IMPG2: variants seen among roughly 807,000 people sequenced by gnomAD.
The protein encoded by IMPG2 is interphotoreceptor matrix proteoglycan 2.
Under a neutral mutation model 129.2 loss-of-function variants are expected in IMPG2, and 91 were observed. That is an observed-to-expected ratio of 0.70 (90% CI 0.59 to 0.84). IMPG2 has a LOEUF of 0.84. Ranked by LOEUF, IMPG2 falls within the 40% of genes least tolerant of loss-of-function variation. The pLI is 0.00. For missense variants in IMPG2, 1,430 were observed against 1,461.7 expected (o/e 0.98, Z 0.35); for synonymous variants, 510 against 517.7 (o/e 0.99, Z 0.20).
In IMPG2 at chr3:101,232,919, C is replaced by T; in HGVS notation, c.3095G>A (p.Gly1032Glu). The stretch of plus-strand genomic sequence containing the variant: ...AGGGAAGCATCTGCACTTTGCTTCT[C>T]CACTCCAGGGGTTGACCAGACACTC... ...FSECLVNPWS[G>E]EAKCRCFPGY... The change falls in exon 15 of 19, where the codon GGA (glycine) becomes GAA (glutamate). Residue 1032 changes from glycine (G) to glutamate (E), a missense_variant. Coordinates refer to ENST00000193391, the MANE Select transcript of IMPG2 (RefSeq NM_016247.4). 6.2e-7 allele frequency: 1 copy of T among 1,613,992 alleles called. No homozygotes were observed.
intron 2 of IMPG2, among the ~76,000 whole-genome samples, chr3:101,315,372 A>C (rs1007365694): frequency 1.3e-4 from 20 of 152,132 alleles, no homozygotes; most frequent in African/African-American, 3.6e-4. Flanking sequence ...TTTTTTGTAG[A>C]ATGTAAATTC....
chr3:101,243,385 C>G, intron 13 of IMPG2, 144 bp downstream of exon 13: 1 of 758,032 alleles, frequency 1.3e-6, no homozygotes, highest in East Asian at 2.7e-5. Flanking sequence ...AACCCTAGGC[C>G]ATGATACTAT....
chr3:101,229,300 A>ACCCCCCCCCCCCCCCCCCCGCGC, intron 17 of IMPG2, 80 bp downstream of exon 17: 1 of 859,118 alleles, frequency 1.2e-6, no homozygotes, highest in Admixed American at 1.8e-5. Context: ...ACTCATACAC[A>ACCCCCCCCCCCCCCCCCCCGCGC]CCCCCACCCA....
intron 14 of IMPG2, among the ~76,000 whole-genome samples, chr3:101,234,891 T>C (rs965644395): frequency 1.3e-5 from 2 of 152,216 alleles, no homozygotes; most frequent in South Asian, 2.1e-4. Context: ...AAATATAAGA[T>C]TGAATATCCC....
In IMPG2 at chr3:101,234,582, T is replaced by C. The variant is rs141181179; in HGVS notation, c.3023-1591A>G. On this transcript the variant is annotated intron_variant, in intron 14 of 18. Coordinates refer to ENST00000193391, the MANE Select transcript of IMPG2 (RefSeq NM_016247.4). Reference sequence around the variant, plus strand: ...TACAAATGTGTTGACAGGTGGGAAATTTCTACAAGGGAACTGCATGGCCAG... The same window carrying C: ...TACAAATGTGTTGACAGGTGGGAAACTTCTACAAGGGAACTGCATGGCCAG... Among the ~76,000 whole-genome samples, 18 of 152,258 alleles carry C rather than the reference T, an allele frequency of 1.2e-4. 1 individual carries two copies. Among genetic ancestry groups the C allele is most frequent in the African/African-American group, 4.3e-4 (18 of 41,534 alleles).
At chr3:101,315,684 T>C (rs2058781004) in intron 2 of IMPG2, among the ~76,000 whole-genome samples, 1 of 152,034 alleles carries the variant, frequency 6.6e-6, no homozygotes, top group South Asian at 2.1e-4. Flanking sequence ...GGATAAGAAA[T>C]AGTCAATCTG....
At chr3:101,316,861 T>C (rs935356829) in intron 2 of IMPG2, among the ~76,000 whole-genome samples, 6 of 152,112 alleles carry the variant, frequency 3.9e-5, no homozygotes, top group African/African-American at 1.2e-4. Flanking sequence ...GGTATATCCG[T>C]AATATAGAAT....
At chr3:101,291,373 C>T (rs765666871) in intron 4 of IMPG2, 106 bp downstream of exon 4, 1 of 976,348 alleles carries the variant, frequency 1.0e-6, no homozygotes, top group South Asian at 1.3e-5. Context: ...TCATTGCGAA[C>T]TGGCAAGAAA....
intron 4 of IMPG2, among the ~76,000 whole-genome samples, chr3:101,278,953 G>A (rs983314182): frequency 2.0e-5 from 3 of 152,114 alleles, no homozygotes; most frequent in Non-Finnish European, 4.4e-5. Flanking sequence ...TACAGAGGAT[G>A]GAGCTGAAAA....
At chr3:101,286,980 T>C (rs1706952424) in intron 4 of IMPG2, among the ~76,000 whole-genome samples, 1 of 152,200 alleles carries the variant, frequency 6.6e-6, no homozygotes, top group African/African-American at 2.4e-5. Context: ...TGAGGTGCAC[T>C]GTGATCAGGT....
At chr3:101,294,381 T>C (rs1213903539) in intron 3 of IMPG2, among the ~76,000 whole-genome samples, 1 of 152,182 alleles carries the variant, frequency 6.6e-6, no homozygotes, top group East Asian at 1.9e-4. Flanking sequence ...CTGAGGATGA[T>C]GGCTTCCAGC....
chr3:101,262,784 C>A (rs868396184), intron 9 of IMPG2, among the ~76,000 whole-genome samples: 3,726 of 127,114 alleles, frequency 0.029, 149 homozygotes, highest in African/African-American at 0.099. Flanking sequence ...AAAAAAAAAA[C>A]AAACTATATG....
At position 101,242,662 on chromosome 3, in the gene IMPG2, A is replaced by G. The variant is rs754316809; in HGVS notation, c.3022+26T>C. 97 of 1,515,524 alleles carry G rather than the reference A, an allele frequency of 6.4e-5. No homozygotes were observed. The South Asian group carries it at 1.1e-3, about 17-fold the overall frequency. 93.9% of individuals were successfully genotyped at this position (1,515,524 alleles called of 1,614,324 possible). A position where few individuals can be genotyped will look rare whatever the true frequency, so the allele number is the denominator to read the frequency against. On this transcript the variant is annotated intron_variant, in intron 14 of 18. Transcript: ENST00000193391. The stretch of plus-strand genomic sequence containing the variant: ...GAATAATCACTGGATTCTACTAAGA[A>G]ACCACCATGCTAGGCAATATCATAC...
chr3:101,315,530 G>T (rs1178806422), intron 2 of IMPG2, among the ~76,000 whole-genome samples: 1 of 152,096 alleles, frequency 6.6e-6, no homozygotes, highest in Non-Finnish European at 1.5e-5. Flanking sequence ...AATTACTTCA[G>T]ATAAGTGTAT....
At chr3:101,272,439 A>G (rs533851487) in intron 7 of IMPG2, among the ~76,000 whole-genome samples, 10 of 152,282 alleles carry the variant, frequency 6.6e-5, no homozygotes, top group African/African-American at 1.9e-4. Context: ...AATCACCTCA[A>G]TAGCTACCTA....
At chr3:101,269,451 T>A in intron 8 of IMPG2, 64 bp downstream of exon 8, 1 of 894,058 alleles carries the variant, frequency 1.1e-6, no homozygotes, top group Non-Finnish European at 1.9e-6. Context: ...ATAAATATAA[T>A]GGACATTCCA....
rs147901568 is a variant in IMPG2 at position 101,304,255 on chromosome 3, C to T, written c.392G>A (p.Arg131His). ...ATTCATCCAGTAATGATATTCCTCA[C>T]GCCCAGGAAGTCGATCCCAAAAAGT... The part of the protein sequence containing the change: ...FRTFWDRLPG[R>H]EEYHYWMNLC... Residue 131 changes from arginine to histidine, a missense_variant, in exon 3 of 19, where the codon CGT becomes CAT. Coordinates refer to ENST00000193391, the MANE Select transcript of IMPG2 (RefSeq NM_016247.4). 1,171 of 1,613,928 alleles carry T rather than the reference C, an allele frequency of 7.3e-4. 1 individual carries two copies. The highest frequency in any genetic ancestry group is 9.0e-4 in the Non-Finnish European group (1,062 of 1,179,778).
chr3:101,256,145 A>AAAAGAAAGAAAGAAAGAAAGAAAGAAGG (rs1706599226), intron 10 of IMPG2, among the ~76,000 whole-genome samples: 7 of 77,572 alleles, frequency 9.0e-5, no homozygotes, highest in African/African-American at 3.6e-4. Flanking sequence ...AGAAAGAAAG[A>AAAAGAAAGAAAGAAAGAAAGAAAGAAGG]AAAGAAAGAA....
At chr3:101,257,398 T>C in intron 10 of IMPG2, 131 bp downstream of exon 10, 2 of 1,042,470 alleles carry the variant, frequency 1.9e-6, no homozygotes, top group Non-Finnish European at 2.9e-6. Flanking sequence ...ACTCCATTCA[T>C]ATCAGGTTGG....
Sources: allele counts gnomAD v4.1 joint callset (sites outside exome capture counted in the v4.1 genomes callset), GRCh38; gene constraint gnomAD v4.1.1; transcripts MANE v1.5; gene names NCBI Gene and HGNC (gene_info 2026-07-23, HGNC 2026-07-21).